The following TRPC5 variants were observed in gnomAD, a reference collection of about 807,000 sequenced individuals.
TRPC5 encodes transient receptor potential cation channel subfamily C member 5.
TRPC5 carries 9 observed loss-of-function variants against 56.5 expected under a neutral mutation model. The ratio of observed to expected loss-of-function variants is 0.16; its 90% CI spans 0.10 to 0.28. TRPC5 has a LOEUF of 0.28. Ranked by LOEUF, TRPC5 falls within the 10% of genes least tolerant of loss-of-function variation. The probability of loss-of-function intolerance (pLI) is 1.00; values close to 1 mark genes in which losing one functional copy is unlikely to be tolerated. For synonymous variants in TRPC5, 282 were observed against 278.5 expected (o/e 1.01, Z -0.13); for missense variants, 469 against 748.9 (o/e 0.63, Z 4.36).
intron 1 of TRPC5, among the ~76,000 whole-genome samples, chrX:111,963,858 A>G (rs1927471630): frequency 9.0e-6 from 1 of 111,344 alleles, no homozygotes; most frequent in African/African-American, 3.3e-5. Context: ...AGAAGATAAA[A>G]CCACAAAGAT....
At chrX:111,830,255 C>G (rs977920590) in intron 7 of TRPC5, among the ~76,000 whole-genome samples, 10 of 112,371 alleles carry the variant, frequency 8.9e-5, no homozygotes, top group African/African-American at 3.2e-4. Flanking sequence ...GCCTGTACCC[C>G]CATTGTATCT....
intron 7 of TRPC5, among the ~76,000 whole-genome samples, chrX:111,801,925 G>A (rs1921323415): frequency 9.0e-6 from 1 of 111,609 alleles, no homozygotes; most frequent in Admixed American, 9.6e-5. Flanking sequence ...TATCACTTGT[G>A]CTTCCAGTGT....
intron 1 of TRPC5, among the ~76,000 whole-genome samples, chrX:112,050,037 G>A (rs945942893): frequency 7.2e-5 from 8 of 111,759 alleles, no homozygotes; most frequent in East Asian, 5.6e-4. Context: ...TTAGCTGGGC[G>A]TGGTGGTGCG....
rs998000096 is a variant in TRPC5, at chrX:112,052,980, C to G, written c.-22+28899G>C. ...TGGCATATATGTCTGCCTTTGTGTG[C>G]CAGGAAAACTTTTATGAAAAGTTCT... On this transcript the variant is annotated intron_variant, in intron 1 of 10. Transcript: ENST00000262839. Among the ~76,000 whole-genome samples, 4 of 111,398 alleles carry G rather than the reference C, an allele frequency of 3.6e-5. No individual in the cohort carries two copies. The East Asian group carries it at 1.1e-3, about 31-fold the overall frequency.
chrX:112,075,850 A>G (rs1930823037), intron 1 of TRPC5, among the ~76,000 whole-genome samples: 1 of 112,009 alleles, frequency 8.9e-6, no homozygotes, highest in African/African-American at 3.2e-5. Context: ...TCAGTTTTGT[A>G]ACATCAAGGA....
At chrX:111,984,593 C>T (rs1300356842) in intron 1 of TRPC5, among the ~76,000 whole-genome samples, 4 of 111,931 alleles carry the variant, frequency 3.6e-5, no homozygotes, top group Non-Finnish European at 7.5e-5. Context: ...TTATTACCCA[C>T]TCTCTGGCAC....
chrX:112,052,821 T>C (rs1174321774), intron 1 of TRPC5, among the ~76,000 whole-genome samples: 1 of 111,829 alleles, frequency 8.9e-6, no homozygotes, highest in Non-Finnish European at 1.9e-5. Context: ...ACTTCATTCT[T>C]TTGCATATTG....
chrX:111,955,174 A>G (rs776400617), intron 1 of TRPC5, among the ~76,000 whole-genome samples: 1 of 112,311 alleles, frequency 8.9e-6, no homozygotes, highest in South Asian at 3.7e-4. Flanking sequence ...TGCATTTGGA[A>G]TTAGTCTGGT....
chrX:111,961,870 G>A (rs370202614), intron 1 of TRPC5, among the ~76,000 whole-genome samples: 1 of 111,606 alleles, frequency 9.0e-6, no homozygotes, highest in Non-Finnish European at 1.9e-5. Flanking sequence ...ATCAACAGTT[G>A]ACTGGATTTA....
intron 3 of TRPC5, among the ~76,000 whole-genome samples, chrX:111,862,089 G>A (rs780417076): frequency 6.3e-4 from 70 of 111,630 alleles, no homozygotes; most frequent in African/African-American, 2.1e-3. Context: ...TTATTATCTC[G>A]TTAAAGTGAT....
At chrX:111,811,893 C>T (rs922228459) in intron 7 of TRPC5, among the ~76,000 whole-genome samples, 1 of 111,532 alleles carries the variant, frequency 9.0e-6, no homozygotes, top group African/African-American at 3.3e-5. Context: ...GAACAGCAAT[C>T]TCTCATCCTT....
At chrX:112,049,776 T>C (rs1394106851) in intron 1 of TRPC5, among the ~76,000 whole-genome samples, 8 of 112,080 alleles carry the variant, frequency 7.1e-5, no homozygotes, top group Admixed American at 5.7e-4. Flanking sequence ...TTTGAGGTGC[T>C]GTGGGTAGGG....
chrX:111,857,862 C>A (rs1442491874), intron 3 of TRPC5, among the ~76,000 whole-genome samples: 1 of 112,480 alleles, frequency 8.9e-6, no homozygotes, highest in Non-Finnish European at 1.9e-5. Flanking sequence ...GTGACTTCCC[C>A]TTATGTATTC....
intron 1 of TRPC5, among the ~76,000 whole-genome samples, chrX:112,057,889 A>G (rs1258019446): frequency 8.9e-6 from 1 of 111,872 alleles, no homozygotes; most frequent in Non-Finnish European, 1.9e-5. Context: ...TAGGAATCTA[A>G]TATTTTAGCA....
At chrX:111,895,661 T>C (rs994665546) in intron 3 of TRPC5, among the ~76,000 whole-genome samples, 1 of 110,812 alleles carries the variant, frequency 9.0e-6, no homozygotes, top group Admixed American at 9.7e-5. Context: ...CAAATCATTA[T>C]TAGTATTATT....
intron 7 of TRPC5, among the ~76,000 whole-genome samples, chrX:111,817,703 T>C (rs930275500): frequency 9.0e-6 from 1 of 111,411 alleles, no homozygotes; most frequent in Non-Finnish European, 1.9e-5. Flanking sequence ...TGCACAGATG[T>C]GGCAACTGAG....
chrX:111,786,232 C>T (rs1428868520), intron 7 of TRPC5, among the ~76,000 whole-genome samples: 3 of 111,527 alleles, frequency 2.7e-5, no homozygotes, highest in Admixed American at 9.6e-5. Flanking sequence ...AGAAACCCTA[C>T]GAGCCAGAAG....
chrX:111,955,702 T>C lies in TRPC5; in HGVS notation c.-21-3261A>G, dbSNP rs181649543. Among the ~76,000 whole-genome samples the C allele has an allele frequency of 3.6e-5, 4 of 111,918 alleles. No homozygotes were observed. In the Admixed American group the frequency reaches 3.8e-4, roughly 11 times the overall value. On this transcript the variant is annotated intron_variant, in intron 1 of 10. Coordinates refer to ENST00000262839, the MANE Select transcript of TRPC5 (RefSeq NM_012471.3). ...TCACTCCAGGCTCAGAGGCCAATCCTTTCTCTGCATGCTTGCTGTTAGGCC... is the reference window on the plus strand; with the variant it reads ...TCACTCCAGGCTCAGAGGCCAATCCCTTCTCTGCATGCTTGCTGTTAGGCC...
rs1336955848 is a variant in TRPC5 at position 111,769,163 on chromosome X, G to A, written c.*7150C>T. On this transcript the variant is annotated 3_prime_UTR_variant, in exon 11 of 11. Transcript: ENST00000262839. ...ATCCTCCCCTCTGTTCTCTATGGAGGTTAGTGGTTTTTCTTTACTGTCCCT... is the reference window on the plus strand; with the variant it reads ...ATCCTCCCCTCTGTTCTCTATGGAGATTAGTGGTTTTTCTTTACTGTCCCT... Among the ~76,000 whole-genome samples, 1 of 111,379 alleles carries A rather than the reference G, an allele frequency of 9.0e-6. No individual in the cohort carries two copies. The highest frequency in any genetic ancestry group is 3.3e-5 in the African/African-American group (1 of 30,670).
Sources: allele counts gnomAD v4.1 joint callset (sites outside exome capture counted in the v4.1 genomes callset), GRCh38; gene constraint gnomAD v4.1.1; transcripts MANE v1.5; gene names NCBI Gene and HGNC (gene_info 2026-07-23, HGNC 2026-07-21).